SYN3: variants seen among roughly 807,000 people sequenced by gnomAD.
SYN3 encodes synapsin-3.
A neutral mutation model predicts 65.8 loss-of-function variants in SYN3; 35 were observed. The ratio of observed to expected loss-of-function variants is 0.53; its 90% CI spans 0.41 to 0.70. SYN3 has a LOEUF of 0.70. SYN3 is among the 30% of genes least tolerant of loss of function. The probability of loss-of-function intolerance (pLI) is 0.00; values close to 1 mark genes in which losing one functional copy is unlikely to be tolerated. For missense variants in SYN3, 680 were observed against 749.0 expected, an observed-to-expected ratio of 0.91 and a Z score of 1.08; for synonymous variants, 270 against 292.9, an observed-to-expected ratio of 0.92 and a Z score of 0.80.
chr22:32,932,503 G>A (rs2050660565), intron 3 of SYN3, among the ~76,000 whole-genome samples: 1 of 152,154 alleles, frequency 6.6e-6, no homozygotes, highest in Admixed American at 6.5e-5. Flanking sequence ...CACTGGCAAA[G>A]CACAGAAAAC....
chr22:33,009,936 T>C (rs1339671854), intron 1 of SYN3, among the ~76,000 whole-genome samples: 1 of 152,082 alleles, frequency 6.6e-6, no homozygotes, highest in Admixed American at 6.5e-5. Flanking sequence ...TGTCTGTTCT[T>C]AAAAATCTCT....
At chr22:32,924,519 A>G (rs1023061648) in intron 4 of SYN3, among the ~76,000 whole-genome samples, 1 of 152,206 alleles carries the variant, frequency 6.6e-6, no homozygotes, top group African/African-American at 2.4e-5. Context: ...GAGCTTGTTC[A>G]CATCCTTGCT....
At chr22:32,978,057 T>G (rs1296251923) in intron 3 of SYN3, among the ~76,000 whole-genome samples, 1 of 152,168 alleles carries the variant, frequency 6.6e-6, no homozygotes, top group African/African-American at 2.4e-5. Context: ...GAGGAAAGGA[T>G]TGTAAAGCTA....
chr22:32,974,964 T>G (rs977603862), intron 3 of SYN3, among the ~76,000 whole-genome samples: 1 of 152,156 alleles, frequency 6.6e-6, no homozygotes. Flanking sequence ...TCATCTTCAG[T>G]CTATCTTACT....
chr22:32,774,123 G>A (rs983260703), intron 6 of SYN3, among the ~76,000 whole-genome samples: 5 of 152,118 alleles, frequency 3.3e-5, no homozygotes, highest in Admixed American at 6.5e-5. Flanking sequence ...AACGGATCTT[G>A]GATTGATCCT....
At chr22:32,958,157 C>G (rs987853073) in intron 3 of SYN3, among the ~76,000 whole-genome samples, 2 of 152,138 alleles carry the variant, frequency 1.3e-5, no homozygotes, top group Admixed American at 6.6e-5. Flanking sequence ...CATTTCCAAC[C>G]CTGTAGGCTC....
chr22:32,608,308 G>T (rs1308298101), intron 6 of SYN3, among the ~76,000 whole-genome samples: 3 of 152,222 alleles, frequency 2.0e-5, no homozygotes, highest in Non-Finnish European at 4.4e-5. Flanking sequence ...GACGTCAAAT[G>T]ATCCGCCCGC....
intron 6 of SYN3, among the ~76,000 whole-genome samples, chr22:32,716,692 G>A (rs532770412): frequency 2.2e-5 from 3 of 138,614 alleles, no homozygotes; most frequent in South Asian, 2.3e-4. Context: ...CACCATACCC[G>A]GCTAATTTTT....
At chr22:32,577,529 TA>T (rs2058869837) in intron 7 of SYN3, among the ~76,000 whole-genome samples, 1 of 152,246 alleles carries the variant, frequency 6.6e-6, no homozygotes, top group African/African-American at 2.4e-5. Context: ...GTTTTTTTGA[TA>T]AATGAAAATA....
chr22:32,527,061 A>C (rs2057990377), intron 12 of SYN3, among the ~76,000 whole-genome samples: 1 of 152,148 alleles, frequency 6.6e-6, no homozygotes, highest in Admixed American at 6.5e-5. Context: ...ATCTTTTTAC[A>C]ATAGTTTGTC....
At chr22:32,811,079 G>A (rs955265180) in intron 6 of SYN3, among the ~76,000 whole-genome samples, 6 of 152,110 alleles carry the variant, frequency 3.9e-5, no homozygotes, top group African/African-American at 1.2e-4. Context: ...TGAAAAGGCT[G>A]GGAACCACTG....
chr22:32,701,224 G>A (rs2060806259), intron 6 of SYN3, among the ~76,000 whole-genome samples: 1 of 152,192 alleles, frequency 6.6e-6, no homozygotes, highest in Non-Finnish European at 1.5e-5. Flanking sequence ...AAGCTTCAAT[G>A]AGGACTTGTG....
intron 6 of SYN3, among the ~76,000 whole-genome samples, chr22:32,790,252 C>T (rs754396620): frequency 6.6e-6 from 1 of 152,084 alleles, no homozygotes; most frequent in African/African-American, 2.4e-5. Flanking sequence ...AGTAGCACAT[C>T]ATTATATAAT....
intron 4 of SYN3, among the ~76,000 whole-genome samples, chr22:32,881,374 C>A (rs1181051709): frequency 6.6e-6 from 1 of 152,216 alleles, no homozygotes; most frequent in African/African-American, 2.4e-5. Context: ...CTCTGTCTGA[C>A]AGGCCACATC....
chr22:32,566,602 T>C (rs1452741309), intron 7 of SYN3, among the ~76,000 whole-genome samples: 2 of 152,140 alleles, frequency 1.3e-5, no homozygotes, highest in South Asian at 2.1e-4. Flanking sequence ...CTGAAGACTT[T>C]ATCAGGATTT....
intron 6 of SYN3, among the ~76,000 whole-genome samples, chr22:32,694,266 G>A (rs890235345): frequency 6.6e-6 from 1 of 151,996 alleles, no homozygotes; most frequent in Non-Finnish European, 1.5e-5. Flanking sequence ...GTAGAAACTC[G>A]GGCAAGCATA....
chr22:32,923,170 T>C (rs914670775), intron 4 of SYN3, among the ~76,000 whole-genome samples: 16 of 152,148 alleles, frequency 1.1e-4, no homozygotes, highest in African/African-American at 3.6e-4. Context: ...GTCTTGAGAA[T>C]TGGGTGGCTG....
At chr22:32,812,954 C>T (rs762635506) in intron 6 of SYN3, among the ~76,000 whole-genome samples, 6 of 152,160 alleles carry the variant, frequency 3.9e-5, no homozygotes, top group Middle Eastern at 3.2e-3. Flanking sequence ...GGGTGCAGTT[C>T]TGAACAAATG....
intron 13 of SYN3, 111 bp from the exon 14 acceptor site, chr22:32,513,935 T>TA: frequency 7.2e-7 from 1 of 1,382,890 alleles, no homozygotes; most frequent in Non-Finnish European, 9.8e-7. Context: ...ATCATAAGGT[T>TA]ATGAAGACCA....
Sources: allele counts gnomAD v4.1 joint callset (sites outside exome capture counted in the v4.1 genomes callset), GRCh38; gene constraint gnomAD v4.1.1; transcripts MANE v1.5; gene names NCBI Gene and HGNC (gene_info 2026-07-23, HGNC 2026-07-21).